The following WWOX variants were observed in gnomAD, a reference collection of about 807,000 sequenced individuals.
WWOX encodes WW domain containing oxidoreductase.
A neutral mutation model predicts 46.2 loss-of-function variants in WWOX; 69 were observed. The observed-to-expected ratio is 1.49, with a 90% confidence interval of 1.23 to 1.82. The LOEUF is 1.82. Among genes scored for constraint, WWOX ranks in the 40% most tolerant of loss-of-function variants. WWOX has a pLI of 0.00. For missense variants in WWOX, 919 were observed against 542.6 expected, an observed-to-expected ratio of 1.69 and a Z score of -6.89; for synonymous variants, 359 against 202.6, an observed-to-expected ratio of 1.77 and a Z score of -6.56.
intron 8 of WWOX, among the ~76,000 whole-genome samples, chr16:79,076,036 A>C (rs376603148): frequency 6.6e-6 from 1 of 152,196 alleles, no homozygotes; most frequent in East Asian, 1.9e-4. Flanking sequence ...TATATGTAGA[A>C]CCATTTTCTT....
At chr16:78,703,088 G>C (rs1390298335) in intron 8 of WWOX, among the ~76,000 whole-genome samples, 3 of 152,154 alleles carry the variant, frequency 2.0e-5, no homozygotes, top group African/African-American at 4.8e-5. Flanking sequence ...TGGGATGTTA[G>C]GTAGAGGGCT....
At chr16:78,963,981 C>T (rs368004898) in intron 8 of WWOX, among the ~76,000 whole-genome samples, 4 of 152,242 alleles carry the variant, frequency 2.6e-5, no homozygotes, top group Non-Finnish European at 4.4e-5. Context: ...TCTCTTGCCA[C>T]CACCATGTAA....
intron 8 of WWOX, among the ~76,000 whole-genome samples, chr16:78,919,440 T>G (rs1360879085): frequency 6.6e-6 from 1 of 152,132 alleles, no homozygotes; most frequent in African/African-American, 2.4e-5. Context: ...AGATCATCAC[T>G]TAGAATGCCA....
intron 8 of WWOX, among the ~76,000 whole-genome samples, chr16:78,629,593 T>C (rs2046381733): frequency 6.6e-6 from 1 of 152,206 alleles, no homozygotes; most frequent in Non-Finnish European, 1.5e-5. Flanking sequence ...TGCCAACCTC[T>C]GCAGCTTACT....
chr16:78,649,491 G>A (rs983137415), intron 8 of WWOX, among the ~76,000 whole-genome samples: 1 of 151,940 alleles, frequency 6.6e-6, no homozygotes, highest in African/African-American at 2.4e-5. Flanking sequence ...TGCCCAGGCT[G>A]GTGTTGAACT....
At chr16:78,661,310 C>G (rs1269795190) in intron 8 of WWOX, among the ~76,000 whole-genome samples, 1 of 152,126 alleles carries the variant, frequency 6.6e-6, no homozygotes, top group Non-Finnish European at 1.5e-5. Context: ...AATCAGCACG[C>G]CATTTTTTAA....
At chr16:78,768,831 C>A (rs574345102) in intron 8 of WWOX, among the ~76,000 whole-genome samples, 8 of 152,040 alleles carry the variant, frequency 5.3e-5, no homozygotes, top group African/African-American at 1.4e-4. Flanking sequence ...AGGTACTGAC[C>A]CTGAAGGGCT....
At chr16:79,210,130 C>A (rs1009910041) in intron 8 of WWOX, among the ~76,000 whole-genome samples, 1 of 152,176 alleles carries the variant, frequency 6.6e-6, no homozygotes, top group African/African-American at 2.4e-5. Flanking sequence ...GTCTCACTCA[C>A]GGTCCACACC....
intron 8 of WWOX, among the ~76,000 whole-genome samples, chr16:78,994,589 C>T (rs2046950843): frequency 6.6e-6 from 1 of 152,118 alleles, no homozygotes; most frequent in Non-Finnish European, 1.5e-5. Flanking sequence ...GCTTTGTGCA[C>T]AGATAACCTT....
At chr16:78,909,211 A>G (rs932621629) in intron 8 of WWOX, among the ~76,000 whole-genome samples, 1 of 152,148 alleles carries the variant, frequency 6.6e-6, no homozygotes, top group African/African-American at 2.4e-5. Context: ...GGCTGTTTTA[A>G]TAACAGCCAG....
rs141697858 is a variant in WWOX at position 78,765,995 on chromosome 16, C to T, written c.1056+333243C>T. Among the ~76,000 whole-genome samples, 256 of 152,248 alleles carry T rather than the reference C, an allele frequency of 1.7e-3. 1 individual carries two copies. Among genetic ancestry groups the T allele is most frequent in the African/African-American group, 5.7e-3 (236 of 41,546 alleles). Reference sequence around the variant, plus strand: ...AAAGTATGACTAGATCCAGGAAATACAGCTGGAGAGACCCAAGTCTGCACA... The same window carrying T: ...AAAGTATGACTAGATCCAGGAAATATAGCTGGAGAGACCCAAGTCTGCACA... On this transcript the variant is annotated intron_variant, in intron 8 of 8. Transcript: ENST00000566780.
At chr16:79,020,348 C>G (rs930057938) in intron 8 of WWOX, among the ~76,000 whole-genome samples, 1 of 152,130 alleles carries the variant, frequency 6.6e-6, no homozygotes, top group Non-Finnish European at 1.5e-5. Flanking sequence ...AGTCTTAAGT[C>G]CAACCAGTGG....
At chr16:78,465,974 G>C (rs373498278) in intron 8 of WWOX, among the ~76,000 whole-genome samples, 8 of 152,072 alleles carry the variant, frequency 5.3e-5, no homozygotes, top group African/African-American at 1.9e-4. Context: ...GTGGTTTCTG[G>C]GGCGGCGGGG....
chr16:79,081,213 G>T (rs918607820), intron 8 of WWOX, among the ~76,000 whole-genome samples: 11 of 152,160 alleles, frequency 7.2e-5, no homozygotes, highest in Admixed American at 3.9e-4. Flanking sequence ...GCCCAGGCTC[G>T]AGTGCAGTGG....
intron 8 of WWOX, among the ~76,000 whole-genome samples, chr16:78,754,382 G>A (rs961396316): frequency 1.3e-5 from 2 of 152,128 alleles, no homozygotes; most frequent in South Asian, 4.1e-4. Context: ...TTGAACTGGT[G>A]AATGAATGAA....
chr16:78,370,842 T>C (rs1238595193), intron 5 of WWOX, among the ~76,000 whole-genome samples: 1 of 150,388 alleles, frequency 6.6e-6, no homozygotes, highest in African/African-American at 2.5e-5. Context: ...CTCAGCCTAT[T>C]CTTGTTTGTT....
intron 8 of WWOX, among the ~76,000 whole-genome samples, chr16:78,893,073 G>C (rs74406874): frequency 0.011 from 1,617 of 152,194 alleles, 70 homozygotes; most frequent in Admixed American, 0.079. Flanking sequence ...GAGCACTGGA[G>C]TCAGGAGTTT....
At chr16:79,188,391 G>A (rs2051062430) in intron 8 of WWOX, among the ~76,000 whole-genome samples, 1 of 152,034 alleles carries the variant, frequency 6.6e-6, no homozygotes, top group Non-Finnish European at 1.5e-5. Context: ...TCTTTTTTCG[G>A]TAACTGTGTT....
chr16:78,406,733 T>G (rs971214515), intron 6 of WWOX, among the ~76,000 whole-genome samples: 9 of 151,842 alleles, frequency 5.9e-5, no homozygotes, highest in Non-Finnish European at 1.3e-4. Context: ...TTCAAGCGAT[T>G]CTCCTGCCTC....
Sources: allele counts gnomAD v4.1 joint callset (sites outside exome capture counted in the v4.1 genomes callset), GRCh38; gene constraint gnomAD v4.1.1; transcripts MANE v1.5; gene names NCBI Gene and HGNC (gene_info 2026-07-23, HGNC 2026-07-21).